Variants in ITPR1 observed in about 807,000 individuals in gnomAD.
The protein encoded by ITPR1 is inositol 1,4,5-trisphosphate-gated calcium channel ITPR1.
Under a neutral mutation model 318.4 loss-of-function variants are expected in ITPR1, and 96 were observed. The observed-to-expected ratio is 0.30, with a 90% CI of 0.26 to 0.36. The LOEUF is 0.36. ITPR1 is among the 10% of genes least tolerant of loss of function. The probability of loss-of-function intolerance (pLI) is 1.00; values close to 1 mark genes in which losing one functional copy is unlikely to be tolerated. For synonymous variants in ITPR1, 1,312 were observed against 1,289.9 expected (o/e 1.02, Z -0.37); for missense variants, 2,440 against 3,460.2 (o/e 0.71, Z 7.40).
intron 4 of ITPR1, among the ~76,000 whole-genome samples, chr3:4,582,019 T>C (rs2089400881): frequency 6.6e-6 from 1 of 152,166 alleles, no homozygotes; most frequent in Non-Finnish European, 1.5e-5. Context: ...ACAGGGTTGT[T>C]ACGCCTTTAA....
At chr3:4,768,786 C>T (rs375204963) in intron 46 of ITPR1, 22 bp downstream of exon 46, 44 of 1,593,684 alleles carry the variant, frequency 2.8e-5, no homozygotes, top group African/African-American at 1.7e-4. Context: ...GGGGTGGGGG[C>T]GTGGAGGGAG....
At chr3:4,575,472 C>T (rs951824340) in intron 4 of ITPR1, among the ~76,000 whole-genome samples, 1 of 152,028 alleles carries the variant, frequency 6.6e-6, no homozygotes, top group Non-Finnish European at 1.5e-5. Flanking sequence ...ATATCATCAC[C>T]CTCAGGGAGT....
At chr3:4,692,830 T>C (rs1441088656) in intron 32 of ITPR1, among the ~76,000 whole-genome samples, 1 of 152,072 alleles carries the variant, frequency 6.6e-6, no homozygotes, top group African/African-American at 2.4e-5. Context: ...AGCATAAAAA[T>C]AAGATGGAGG....
chr3:4,766,636 C>T lies in ITPR1; in HGVS notation c.5651C>T (p.Thr1884Ile). The T allele has an allele frequency of 3.1e-6, 5 of 1,613,594 alleles. No individual in the cohort carries two copies. The South Asian group carries it at 3.3e-5, about 11-fold the overall frequency. ...CAGCAAGAAATCAAAGCAACAGTGA[C>T]AGTGAACACCAGTGACTTGGGAAAT... ...VAQQEIKATV[T>I]VNTSDLGNKK... Residue 1884 changes from threonine to isoleucine, a missense_variant, in exon 45 of 62, where the codon ACA becomes ATA. By Grantham distance (89) the Thr-to-Ile change is moderately conservative (BLOSUM62 -1). Around this residue, in one of 23 missense-constraint regions of ITPR1, gnomAD observed 80 missense variants for 122.0 expected, o/e 0.66. Transcript: ENST00000649015.
At chr3:4,580,689 G>C (rs1178551819) in intron 4 of ITPR1, among the ~76,000 whole-genome samples, 1 of 152,154 alleles carries the variant, frequency 6.6e-6, no homozygotes, top group African/African-American at 2.4e-5. Flanking sequence ...ACCTCTTGCA[G>C]GGCCAGAATT....
At chr3:4,818,616 C>CT (rs1321702058) in intron 60 of ITPR1, among the ~76,000 whole-genome samples, 3 of 152,020 alleles carry the variant, frequency 2.0e-5, no homozygotes, top group African/African-American at 7.3e-5. Context: ...TAATTAACAC[C>CT]TACTCTCTAA....
chr3:4,765,451 C>T, intron 44 of ITPR1, among the ~76,000 whole-genome samples: 1 of 152,034 alleles, frequency 6.6e-6, no homozygotes, highest in East Asian at 1.9e-4. Context: ...TCTGGTGGTT[C>T]CCTAGGGCTC....
At chr3:4,659,654 C>A (rs905190201) in intron 13 of ITPR1, among the ~76,000 whole-genome samples, 1 of 151,730 alleles carries the variant, frequency 6.6e-6, no homozygotes, top group Non-Finnish European at 1.5e-5. Flanking sequence ...CAACTGTACT[C>A]CAGCCTGGGT....
At chr3:4,833,056 G>A (rs1016313460) in intron 60 of ITPR1, among the ~76,000 whole-genome samples, 1 of 152,236 alleles carries the variant, frequency 6.6e-6, no homozygotes, top group African/African-American at 2.4e-5. Context: ...TGAGAATAGA[G>A]ACCTTGTCTT....
At chr3:4,845,895 A>G (rs990490485) in intron 61 of ITPR1, among the ~76,000 whole-genome samples, 6 of 152,316 alleles carry the variant, frequency 3.9e-5, no homozygotes, top group African/African-American at 1.4e-4. Context: ...TTGTTTCTTT[A>G]TGAAACAAGT....
At chr3:4,592,962 G>A (rs1015271239) in intron 4 of ITPR1, among the ~76,000 whole-genome samples, 26 of 152,228 alleles carry the variant, frequency 1.7e-4, no homozygotes, top group Non-Finnish European at 3.5e-4. Flanking sequence ...GTCTTAGCTG[G>A]GCACACCAAG....
At chr3:4,722,307 G>A (rs969709305) in intron 40 of ITPR1, among the ~76,000 whole-genome samples, 5 of 152,150 alleles carry the variant, frequency 3.3e-5, no homozygotes, top group Admixed American at 1.3e-4. Flanking sequence ...ACTATGAATC[G>A]CCTGCTGATG....
In ITPR1 at chr3:4,639,408, C is replaced by A; in HGVS notation, c.304C>A (p.Gln102Lys). Residue 102 changes from glutamine to lysine, a missense_variant, in exon 6 of 62, where the codon CAG becomes AAG. Around this residue, in one of 23 missense-constraint regions of ITPR1, gnomAD observed 186 missense variants for 323.9 expected, o/e 0.57. Transcript: ENST00000649015. ...GCACGCTGCAGACTTGGAAAAGAAG[C>A]AGAATGAGACAGAAAACAGGAAATT... is the stretch of plus-strand genomic sequence containing the variant. ...LHHAADLEKK[Q>K]NETENRKLLG... 6.4e-7 allele frequency: 1 copy of A among 1,574,138 alleles called. No homozygotes were observed. Among genetic ancestry groups the A allele is most frequent in the Non-Finnish European group, 8.6e-7 (1 of 1,159,590 alleles).
intron 34 of ITPR1, 79 bp from the exon 35 acceptor site, chr3:4,699,734 C>T (rs1482153653): frequency 2.1e-6 from 3 of 1,435,222 alleles, no homozygotes; most frequent in Non-Finnish European, 2.9e-6. Flanking sequence ...TAAAAGTAAC[C>T]CACAGGAGGG....
intron 52 of ITPR1, among the ~76,000 whole-genome samples, chr3:4,793,235 G>C (rs1358748203): frequency 6.6e-6 from 1 of 152,192 alleles, no homozygotes; most frequent in Non-Finnish European, 1.5e-5. Flanking sequence ...CATAGTTGAA[G>C]ACCATTTATT....
chr3:4,533,063 T>C (rs1272345929), intron 4 of ITPR1, among the ~76,000 whole-genome samples: 2 of 152,132 alleles, frequency 1.3e-5, no homozygotes, highest in Non-Finnish European at 2.9e-5. Flanking sequence ...TTGCTTCCTG[T>C]GGAAGCCCTA....
chr3:4,536,877 G>C (rs78782715), intron 4 of ITPR1, among the ~76,000 whole-genome samples: 5,838 of 152,266 alleles, frequency 0.038, 135 homozygotes, highest in African/African-American at 0.046. Context: ...GATGTGTCAG[G>C]TTGGTTGTTG....
chr3:4,507,507 G>A (rs564792698), intron 2 of ITPR1, among the ~76,000 whole-genome samples: 1 of 152,288 alleles, frequency 6.6e-6, no homozygotes, highest in Admixed American at 6.5e-5. Context: ...AGTTGTTTTT[G>A]TGAAACAAAA....
At chr3:4,624,916 G>A (rs1350795203) in intron 4 of ITPR1, among the ~76,000 whole-genome samples, 2 of 152,110 alleles carry the variant, frequency 1.3e-5, no homozygotes, top group African/African-American at 4.8e-5. Context: ...CTGCTGCTCT[G>A]GATGTAATGT....
Sources: gnomAD v4.1 joint callset for allele counts (sites outside exome capture counted in the v4.1 genomes callset) on GRCh38, gnomAD v4.1.1 for gene constraint, gnomAD v4.1.1 regional missense constraint, MANE v1.5 for transcripts, NCBI Gene and HGNC (gene_info 2026-07-23, HGNC 2026-07-21) for gene names.